RASSF4: variants seen among roughly 807,000 people sequenced by gnomAD.
RASSF4 encodes Ras association domain family member 4.
Under a neutral mutation model 41.1 loss-of-function variants are expected in RASSF4, and 38 were observed. The ratio of observed to expected loss-of-function variants is 0.92; its 90% CI spans 0.71 to 1.21. The LOEUF is 1.21. Ranked by LOEUF, RASSF4 falls within the 50% of genes most tolerant of loss-of-function variation. The pLI is 0.00. For missense variants in RASSF4, 414 were observed against 419.4 expected, an observed-to-expected ratio of 0.99 and a Z score of 0.11; for synonymous variants, 179 against 163.4, an observed-to-expected ratio of 1.10 and a Z score of -0.73.
intron 4 of RASSF4, 115 bp from the exon 5 acceptor site, chr10:44,983,907 G>C (rs1436364168): frequency 1.3e-6 from 2 of 1,532,918 alleles, no homozygotes; most frequent in Non-Finnish European, 1.8e-6. Context: ...CCTCACCTCA[G>C]CCTGCCTTGC....
At chr10:44,972,598 G>A (rs1444423420) in intron 3 of RASSF4, among the ~76,000 whole-genome samples, 1 of 152,224 alleles carries the variant, frequency 6.6e-6, no homozygotes, top group African/African-American at 2.4e-5. Flanking sequence ...AGGCTTGGGG[G>A]ACCACCCACT....
intron 1 of RASSF4, among the ~76,000 whole-genome samples, chr10:44,963,200 G>A (rs555886285): frequency 6.6e-6 from 1 of 152,174 alleles, no homozygotes; most frequent in Non-Finnish European, 1.5e-5. Context: ...AGTTGAGCCA[G>A]AGGGATGATG....
At chr10:44,964,437 A>G (rs10793572) in intron 1 of RASSF4, among the ~76,000 whole-genome samples, 99,801 of 152,128 alleles carry the variant, frequency 0.66, 33,102 homozygotes, top group African/African-American at 0.71. Flanking sequence ...CACGGCTTGG[A>G]GGAGGGGAGA....
chr10:44,981,490 C>T (rs1299904015), intron 3 of RASSF4: 3 of 152,132 alleles, frequency 2.0e-5, no homozygotes, highest in Non-Finnish European at 4.4e-5. Flanking sequence ...GTCCTTATCA[C>T]AATAAAACAT....
At chr10:44,977,233 T>G in intron 3 of RASSF4, 1 of 880,736 alleles carries the variant, frequency 1.1e-6, no homozygotes, top group East Asian at 2.5e-5. Context: ...GTTATCATAT[T>G]CAGAGGGGGT....
chr10:44,976,282 C>T (rs529633254), intron 3 of RASSF4: 2 of 152,338 alleles, frequency 1.3e-5, no homozygotes, highest in South Asian at 4.1e-4. Context: ...AAACTTTTTC[C>T]TTTTAATATG....
In RASSF4 at chr10:44,995,461, C is replaced by CT. The variant is rs1488940222; in HGVS notation, c.*2133dup. 1 of 152,254 alleles carries CT rather than the reference C, an allele frequency of 6.6e-6. No homozygotes were observed. Among genetic ancestry groups the CT allele is most frequent in the African/African-American group, 2.4e-5 (1 of 41,466 alleles). The allele number at this position is 152,254 out of a possible 1,614,324, so 9.4% of individuals were successfully genotyped here. On this transcript the variant is annotated 3_prime_UTR_variant, in exon 11 of 11. Transcript: ENST00000340258. ...AAGCCAGTGGAGCAGGAGACCCTCC[C>CT]TAAGTACCAGCCTGTTTGGTTGGTT... is the stretch of plus-strand genomic sequence containing the variant.
chr10:44,972,301 G>C (rs1267635439), intron 3 of RASSF4, among the ~76,000 whole-genome samples: 3 of 152,214 alleles, frequency 2.0e-5, no homozygotes, highest in Middle Eastern at 3.2e-3. Flanking sequence ...TTTGTAAAGT[G>C]GGGTGTGGGG....
At chr10:44,989,198 G>T (rs1842020112) in intron 6 of RASSF4, 76 bp from the exon 7 acceptor site, 4 of 870,106 alleles carry the variant, frequency 4.6e-6, no homozygotes, top group Non-Finnish European at 7.6e-6. Flanking sequence ...CTGCTGCCTT[G>T]GTCTGTTCAC....
rs549157351 is a variant in RASSF4 at position 44,982,309 on chromosome 10, A to G, written c.139-212A>G. ...TGTGTTCTGCGCTGTGCCCCTGGCC[A>G]GGCATGAGCTGAGCACATCTCAGGC... On this transcript the variant is annotated intron_variant, in intron 3 of 10. Transcript: ENST00000340258. 3.3e-4 allele frequency: 217 copies of G among 651,042 alleles called. No individual in the cohort carries two copies. In the Admixed American group the frequency reaches 5.8e-3, roughly 18 times the overall value. The allele number at this position is 651,042 out of a possible 1,614,324, so 40.3% of individuals were successfully genotyped here. A position where few individuals can be genotyped will look rare whatever the true frequency, so the allele number is the denominator to read the frequency against.
intron 3 of RASSF4, chr10:44,977,597 A>G: frequency 6.2e-7 from 1 of 1,613,276 alleles, no homozygotes; most frequent in Non-Finnish European, 8.5e-7. Context: ...GGGGGCCCCC[A>G]TGGGCTTGCT....
chr10:44,972,418 T>G (rs866286492), intron 3 of RASSF4, among the ~76,000 whole-genome samples: 37 of 152,244 alleles, frequency 2.4e-4, no homozygotes, highest in African/African-American at 8.9e-4. Context: ...CCATCCCTAC[T>G]GTGCAGGACC....
intron 6 of RASSF4, among the ~76,000 whole-genome samples, chr10:44,986,500 T>C (rs1433654317): frequency 6.6e-6 from 1 of 152,218 alleles, no homozygotes; most frequent in Non-Finnish European, 1.5e-5. Flanking sequence ...GAGGGCAGCT[T>C]TTCCTCCTAG....
In RASSF4 at chr10:44,984,052, C is replaced by T. The variant is rs1434459146; in HGVS notation, c.312C>T (p.Ile104=). ...LKEPSPQNGN[I]TAQGPSIQPV... is the part of the protein sequence containing the mutation. ...AGCCATCGCCCCAGAACGGGAACAT[C>T]ACAGCCCAGGGGCCAAGCATTCAGC... Residue 104 remains isoleucine (I), a synonymous_variant, in exon 5 of 11, where the codon ATC becomes ATT. Transcript: ENST00000340258. 2 of 1,606,276 alleles carry T rather than the reference C, an allele frequency of 1.2e-6. No homozygotes were observed. Among genetic ancestry groups the T allele is most frequent in the East Asian group, 2.2e-5 (1 of 44,624 alleles).
chr10:44,974,728 G>A (rs1841327951), intron 3 of RASSF4, among the ~76,000 whole-genome samples: 1 of 152,204 alleles, frequency 6.6e-6, no homozygotes, highest in South Asian at 2.1e-4. Flanking sequence ...CCGAAGGTGG[G>A]CAGGGCCACG....
intron 1 of RASSF4, among the ~76,000 whole-genome samples, chr10:44,961,289 G>A (rs1477073565): frequency 2.0e-5 from 3 of 152,218 alleles, no homozygotes; most frequent in Non-Finnish European, 4.4e-5. Context: ...AAGCTCCAGT[G>A]GGTAGCCTGG....
chr10:44,967,649 C>A (rs1840956782), intron 1 of RASSF4, among the ~76,000 whole-genome samples: 2 of 152,152 alleles, frequency 1.3e-5, no homozygotes, highest in African/African-American at 4.8e-5. Context: ...GAAGAGTAGA[C>A]TTGGAGGGAG....
intron 9 of RASSF4, 134 bp downstream of exon 9, chr10:44,991,203 C>A: frequency 1.3e-6 from 1 of 796,736 alleles, no homozygotes; most frequent in Non-Finnish European, 1.8e-6. Context: ...CAAAGGGCTC[C>A]CAGCCTAGCA....
At chr10:44,976,178 T>G (rs564185378) in intron 3 of RASSF4, 2 of 152,250 alleles carry the variant, frequency 1.3e-5, no homozygotes, top group South Asian at 4.2e-4. Context: ...CAGCTCCAAG[T>G]TCACATGCGC....
Sources: gnomAD v4.1 joint callset for allele counts (sites outside exome capture counted in the v4.1 genomes callset) on GRCh38, gnomAD v4.1.1 for gene constraint, MANE v1.5 for transcripts, NCBI Gene and HGNC (gene_info 2026-07-23, HGNC 2026-07-21) for gene names.